Variants in IFT122 observed in about 807,000 individuals in gnomAD.
The protein encoded by IFT122 is intraflagellar transport protein 122 homolog.
Under a neutral mutation model 161.6 loss-of-function variants are expected in IFT122, and 118 were observed. That is an observed-to-expected ratio of 0.73 (90% CI 0.63 to 0.85). The LOEUF (loss-of-function observed/expected upper bound fraction) is 0.85, where lower values mean the gene tolerates loss of function less well. Ranked by LOEUF, IFT122 falls within the 40% of genes least tolerant of loss-of-function variation. IFT122 has a pLI of 0.00. For missense variants in IFT122, 1,381 were observed against 1,579.6 expected, an observed-to-expected ratio of 0.87 and a Z score of 2.13; for synonymous variants, 550 against 602.4, an observed-to-expected ratio of 0.91 and a Z score of 1.27.
chr3:129,491,406 G>C (rs1450069654), intron 16 of IFT122, among the ~76,000 whole-genome samples: 2 of 152,132 alleles, frequency 1.3e-5, no homozygotes, highest in African/African-American at 4.8e-5. Context: ...CCAAACCCTG[G>C]GCAGAATCTG....
At chr3:129,440,511 G>C (rs1387893959) in intron 1 of IFT122, 140 bp downstream of exon 1, 1 of 1,041,444 alleles carries the variant, frequency 9.6e-7, no homozygotes, top group African/African-American at 1.6e-5. Flanking sequence ...GAGACTGCAG[G>C]GTCGCCCTCC....
In IFT122 at chr3:129,506,432, A is replaced by T; in HGVS notation, c.2674A>T (p.Arg892Ter). 6.2e-7 allele frequency: 1 copy of T among 1,614,012 alleles called. No homozygotes were observed. Among genetic ancestry groups the T allele is most frequent in the East Asian group, 2.2e-5 (1 of 44,880 alleles). ...AGCGTTCCACAAGGCTGGGCGACAG[A>T]GAGAAGCGGTCCAGGTGCTGGAGCA... ...QKAFHKAGRQ[R>*]EAVQVLEQLT... is the part of the protein sequence containing the mutation. Residue 892 changes from arginine to a stop codon, truncating the protein, a stop_gained, in exon 22 of 30, where the codon AGA (arginine) becomes TGA (stop). Coordinates refer to ENST00000348417, the MANE Select transcript of IFT122 (RefSeq NM_052989.3). LOFTEE classifies it high-confidence loss of function.
chr3:129,512,488 CT>C, intron 24 of IFT122, 76 bp downstream of exon 24: 1 of 1,038,660 alleles, frequency 9.6e-7, no homozygotes, highest in Non-Finnish European at 1.5e-6. Context: ...TTCCAGAGCA[CT>C]TTCCTGGCAG....
At chr3:129,443,344 A>ATCTGACAGTGTGTCT (rs1403548504) in intron 1 of IFT122, among the ~76,000 whole-genome samples, 3 of 152,216 alleles carry the variant, frequency 2.0e-5, no homozygotes, top group Admixed American at 2.0e-4. Context: ...CTGCAATGGA[A>ATCTGACAGTGTGTCT]TCTGACAGTG....
intron 16 of IFT122, among the ~76,000 whole-genome samples, chr3:129,491,720 C>T (rs531030089): frequency 6.6e-6 from 1 of 152,282 alleles, no homozygotes; most frequent in East Asian, 1.9e-4. Flanking sequence ...CCCCTGCATT[C>T]TACCCATGTT....
chr3:129,488,527 G>C, intron 16 of IFT122, 130 bp downstream of exon 16: 1 of 1,174,446 alleles, frequency 8.5e-7, no homozygotes, highest in Non-Finnish European at 1.2e-6. Context: ...ACCTGGGCTT[G>C]TATCTTAGCC....
chr3:129,444,245 A>G (rs1315221516), intron 1 of IFT122, among the ~76,000 whole-genome samples: 3 of 152,216 alleles, frequency 2.0e-5, no homozygotes, highest in African/African-American at 7.2e-5. Flanking sequence ...GAAATGTGCC[A>G]AGGCTCAGAG....
chr3:129,453,225 G>A (rs2075063857), intron 3 of IFT122, among the ~76,000 whole-genome samples: 1 of 152,166 alleles, frequency 6.6e-6, no homozygotes, highest in Non-Finnish European at 1.5e-5. Context: ...AGTAGGAACT[G>A]CAGAGGCCAG....
intron 15 of IFT122, among the ~76,000 whole-genome samples, chr3:129,487,084 C>T (rs1341265576): frequency 5.3e-5 from 8 of 152,146 alleles, no homozygotes; most frequent in Non-Finnish European, 8.8e-5. Flanking sequence ...ACAAAAGCCC[C>T]AAATGGAGAA....
At chr3:129,488,229 CT>C (rs745481731) in intron 15 of IFT122, 27 bp from the exon 16 acceptor site, 2 of 1,613,818 alleles carry the variant, frequency 1.2e-6, no homozygotes, top group East Asian at 4.5e-5. Context: ...AAACAGTCTT[CT>C]TTTTTTCCCT....
Position 129,451,271 on chromosome 3 carries a change from AT to A in IFT122, c.109-634del, listed in dbSNP as rs562100319. Among the ~76,000 whole-genome samples the A allele has an allele frequency of 5.0e-3, 753 of 150,262 alleles. 4 individuals are homozygous for A. The highest frequency in any genetic ancestry group is 7.4e-3 in the African/African-American group (301 of 40,846). On this transcript the variant is annotated intron_variant, in intron 2 of 29. Coordinates refer to ENST00000348417, the MANE Select transcript of IFT122 (RefSeq NM_052989.3). ...ACACCACCTCGTCCACCTAATTTTTATTTTTTTTTATTTTTATTTATTTTTA... is the reference window on the plus strand; with the variant it reads ...ACACCACCTCGTCCACCTAATTTTTATTTTTTTTATTTTTATTTATTTTTA...
intron 19 of IFT122, 91 bp downstream of exon 19, chr3:129,500,159 A>G: frequency 7.0e-7 from 1 of 1,435,510 alleles, no homozygotes; most frequent in Non-Finnish European, 9.8e-7. Context: ...GTGCTTTTCT[A>G]ATTATCTAAA....
At chr3:129,456,054 A>C (rs1421316747) in intron 3 of IFT122, 4 of 457,060 alleles carry the variant, frequency 8.8e-6, no homozygotes, top group African/African-American at 8.0e-5. Context: ...ACATACACTC[A>C]TTTAATCTTC....
Position 129,516,723 on chromosome 3 carries a change from CACAG to C in IFT122, c.3266-744_3266-741del, listed in dbSNP as rs1439193794. On this transcript the variant is annotated intron_variant, in intron 26 of 29. Transcript: ENST00000348417. ...ACACACACACACACACACACACACACACAGAGAGACTGCCCCTGCACACACACAC... is the reference window on the plus strand; with the variant it reads ...ACACACACACACACACACACACACACAGAGACTGCCCCTGCACACACACAC... 3.6e-3 allele frequency among the ~76,000 whole-genome samples: 380 copies of C among 105,956 alleles called. 19 individuals are homozygous for C. Among genetic ancestry groups the C allele is most frequent in the African/African-American group, 0.011 (268 of 24,534 alleles). The allele number at this position is 105,956 out of a possible 152,430, so 69.5% of individuals were successfully genotyped here. A position where few individuals can be genotyped will look rare whatever the true frequency, so the allele number is the denominator to read the frequency against.
intron 9 of IFT122, among the ~76,000 whole-genome samples, chr3:129,472,923 C>G (rs1363634845): frequency 6.6e-6 from 1 of 152,116 alleles, no homozygotes; most frequent in Non-Finnish European, 1.5e-5. Context: ...TCTAGAATTT[C>G]CATTTGGTTC....
chr3:129,481,238 G>A, intron 13 of IFT122: 5 of 403,018 alleles, frequency 1.2e-5, no homozygotes, highest in Non-Finnish European at 2.4e-5. Flanking sequence ...TGCAGTTTGG[G>A]TAATGTCATC....
At position 129,479,974 on chromosome 3, in the gene IFT122, G is replaced by A. The variant is rs748402230; in HGVS notation, c.1488+52G>A. 28 of 1,608,728 alleles carry A rather than the reference G, an allele frequency of 1.7e-5. No homozygotes were observed. The African/African-American group carries it at 3.2e-4, about 18-fold the overall frequency. On this transcript the variant is annotated intron_variant, in intron 13 of 29. Coordinates refer to ENST00000348417, the MANE Select transcript of IFT122 (RefSeq NM_052989.3). Reference sequence around the variant, plus strand: ...AGGCTGATAATCTGCATGCACACGTGGGTGACCCGTCTAGCAATGACTCTG... The same window carrying A: ...AGGCTGATAATCTGCATGCACACGTAGGTGACCCGTCTAGCAATGACTCTG...
intron 18 of IFT122, among the ~76,000 whole-genome samples, chr3:129,496,860 C>G (rs1305815427): frequency 6.6e-6 from 1 of 152,226 alleles, no homozygotes; most frequent in Admixed American, 6.5e-5. Flanking sequence ...GTCAGTGCAT[C>G]TCTGCTTCCG....
At chr3:129,497,185 T>C (rs1283324496) in intron 18 of IFT122, among the ~76,000 whole-genome samples, 1 of 152,160 alleles carries the variant, frequency 6.6e-6, no homozygotes, top group Non-Finnish European at 1.5e-5. Context: ...GAAAGATTGC[T>C]TGAGCCCCAG....
Sources: gnomAD v4.1 joint callset for allele counts (sites outside exome capture counted in the v4.1 genomes callset) on GRCh38, gnomAD v4.1.1 for gene constraint, MANE v1.5 for transcripts, NCBI Gene and HGNC (gene_info 2026-07-23, HGNC 2026-07-21) for gene names.